IL7: variants seen among roughly 807,000 people sequenced by gnomAD.
IL7 encodes interleukin 7.
Under a neutral mutation model 21.6 loss-of-function variants are expected in IL7, and 3 were observed. The ratio of observed to expected loss-of-function variants is 0.14; its 90% CI spans 0.06 to 0.36. IL7 has a LOEUF of 0.36. Ranked by LOEUF, IL7 falls within the 10% of genes least tolerant of loss-of-function variation. The probability of loss-of-function intolerance (pLI) is 1.00; values close to 1 mark genes in which losing one functional copy is unlikely to be tolerated. For missense variants in IL7, 175 were observed against 200.2 expected, an observed-to-expected ratio of 0.87 and a Z score of 0.76; for synonymous variants, 62 against 68.1, an observed-to-expected ratio of 0.91 and a Z score of 0.44.
chr8:78,764,335 T>C (rs980570424), intron 2 of IL7, among the ~76,000 whole-genome samples: 2 of 152,050 alleles, frequency 1.3e-5, no homozygotes, highest in Admixed American at 6.5e-5. Flanking sequence ...ACTTAGCTAT[T>C]GCAGTAAGAC....
intron 2 of IL7, among the ~76,000 whole-genome samples, chr8:78,744,160 T>C (rs1250826473): frequency 6.6e-6 from 1 of 151,902 alleles, no homozygotes; most frequent in East Asian, 1.9e-4. Context: ...GCTTGGGCTC[T>C]CCAAAGCCCA....
intron 4 of IL7, among the ~76,000 whole-genome samples, chr8:78,681,933 G>GATCT (rs957631621): frequency 2.1e-5 from 3 of 140,352 alleles, no homozygotes; most frequent in African/African-American, 7.9e-5. Context: ...TTGAGACAGG[G>GATCT]ATCTTACTAT....
chr8:78,761,530 A>G, intron 2 of IL7: 1 of 1,611,984 alleles, frequency 6.2e-7, no homozygotes. Context: ...CATCAGCTTC[A>G]TAAGGCAGGA....
intron 3 of IL7, among the ~76,000 whole-genome samples, chr8:78,695,472 A>G (rs761998699): frequency 1.3e-5 from 2 of 152,160 alleles, no homozygotes; most frequent in South Asian, 2.1e-4. Flanking sequence ...CACTTTGTTT[A>G]TGCTAATCAT....
At chr8:78,689,771 T>C (rs1163193832) in intron 3 of IL7, among the ~76,000 whole-genome samples, 1 of 152,164 alleles carries the variant, frequency 6.6e-6, no homozygotes, top group East Asian at 1.9e-4. Context: ...GGCTTTCCAT[T>C]TTCTTAAGGA....
exon 5 of IL7, chr8:78,675,934 C>T: frequency 7.5e-7 from 1 of 1,340,702 alleles, no homozygotes; most frequent in East Asian, 2.4e-5. Flanking sequence ...GGTCAATTCT[C>T]ATGGGAAGAA....
At chr8:78,769,027 C>T (rs1259833747) in intron 2 of IL7, among the ~76,000 whole-genome samples, 5 of 152,190 alleles carry the variant, frequency 3.3e-5, no homozygotes, top group East Asian at 1.9e-4. Context: ...ATTGATGGGA[C>T]GTATCTCAAA....
intron 2 of IL7, among the ~76,000 whole-genome samples, chr8:78,789,089 T>C (rs1474217036): frequency 6.6e-6 from 1 of 152,212 alleles, no homozygotes; most frequent in East Asian, 1.9e-4. Flanking sequence ...ATCCTTTTAC[T>C]TTCAATCTAT....
At chr8:78,784,400 A>C (rs1813442045) in intron 2 of IL7, among the ~76,000 whole-genome samples, 1 of 152,172 alleles carries the variant, frequency 6.6e-6, no homozygotes, top group Non-Finnish European at 1.5e-5. Context: ...CAAAGTACCA[A>C]AGTCCATGGT....
At chr8:78,705,730 T>A (rs537032319) in intron 3 of IL7, among the ~76,000 whole-genome samples, 1 of 152,282 alleles carries the variant, frequency 6.6e-6, no homozygotes, top group South Asian at 2.1e-4. Context: ...GTGGGAGTTC[T>A]ATCCCAGGGA....
intron 2 of IL7, among the ~76,000 whole-genome samples, chr8:78,752,733 ATCTC>A (rs1812216127): frequency 6.6e-6 from 1 of 151,928 alleles, no homozygotes; most frequent in African/African-American, 2.4e-5. Context: ...TCTTAATGCT[ATCTC>A]TCCCCTTGTC....
chr8:78,731,714 T>G (rs2130651770), downstream of IL7, among the ~76,000 whole-genome samples: 1 of 152,156 alleles, frequency 6.6e-6, no homozygotes, highest in South Asian at 2.1e-4. Flanking sequence ...CCTATCTTGT[T>G]AGAGGCTAGG....
intron 3 of IL7, chr8:78,689,285 A>G: frequency 6.2e-7 from 1 of 1,602,396 alleles, no homozygotes; most frequent in Non-Finnish European, 8.5e-7. Flanking sequence ...AGACATATAA[A>G]TTTCTGTAAA....
At chr8:78,677,163 A>G (rs556977081) in intron 4 of IL7, among the ~76,000 whole-genome samples, 12 of 152,230 alleles carry the variant, frequency 7.9e-5, no homozygotes, top group African/African-American at 2.2e-4. Context: ...TGACAGTTCT[A>G]CCTTCTTTAG....
intron 1 of IL7, among the ~76,000 whole-genome samples, chr8:78,800,877 T>C (rs1814033903): frequency 6.6e-6 from 1 of 152,214 alleles, no homozygotes; most frequent in African/African-American, 2.4e-5. Context: ...ACCATTATCA[T>C]AAATATTCCA....
intron 2 of IL7, among the ~76,000 whole-genome samples, chr8:78,774,362 A>G (rs1813062912): frequency 6.6e-6 from 1 of 152,156 alleles, no homozygotes; most frequent in Non-Finnish European, 1.5e-5. Context: ...TATATTAATT[A>G]TATTCTAACA....
chr8:78,743,090 T>C (rs2130703318), intron 2 of IL7, among the ~76,000 whole-genome samples: 1 of 152,356 alleles, frequency 6.6e-6, no homozygotes, highest in East Asian at 1.9e-4. Flanking sequence ...TGTGGCTGCA[T>C]AGTGTTCCAT....
chr8:78,785,312 T>C (rs572872681), intron 2 of IL7, among the ~76,000 whole-genome samples: 193 of 152,216 alleles, frequency 1.3e-3, no homozygotes, highest in Non-Finnish European at 2.2e-3. Context: ...GGAACAATTA[T>C]TCATAAAATG....
intron 3 of IL7, among the ~76,000 whole-genome samples, chr8:78,690,838 A>ATAC (rs1449805983): frequency 6.6e-6 from 1 of 152,152 alleles, no homozygotes; most frequent in Non-Finnish European, 1.5e-5. Context: ...TATATCATGT[A>ATAC]TTTGGATGAT....
Sources: allele counts gnomAD v4.1 joint callset (sites outside exome capture counted in the v4.1 genomes callset), GRCh38; gene constraint gnomAD v4.1.1; transcripts MANE v1.5; gene names NCBI Gene and HGNC (gene_info 2026-07-23, HGNC 2026-07-21).